LOC128125822: variants seen among roughly 807,000 people sequenced by gnomAD.
At chr6:63,582,281 A>G in the LOC128125822 span, 3 of 152,610 alleles carry the variant, frequency 2.0e-5, no homozygotes, top group African/African-American at 7.2e-5. Flanking sequence ...CACACAGCCC[A>G]TAAAACAGCA....
chr6:63,578,765 C>T, the LOC128125822 span: 1 of 1,135,562 alleles, frequency 8.8e-7, no homozygotes, highest in Non-Finnish European at 1.2e-6. Context: ...TGGTAGACAA[C>T]AGGGTTTAAT....
At chr6:63,578,352 TG>T in the LOC128125822 span, 1 of 1,375,540 alleles carries the variant, frequency 7.3e-7, no homozygotes, top group Non-Finnish European at 9.6e-7. Flanking sequence ...GCATACTTAC[TG>T]ATCAGAGATG....
At chr6:63,572,606 C>A in the LOC128125822 span, 2 of 419,308 alleles carry the variant, frequency 4.8e-6, no homozygotes, top group Non-Finnish European at 8.2e-6. Context: ...ACCGCCGCTC[C>A]GCCACGACCA....
At chr6:63,578,255 T>G in the LOC128125822 span, among the ~76,000 whole-genome samples, 1 of 152,242 alleles carries the variant, frequency 6.6e-6, no homozygotes, top group Admixed American at 6.5e-5. Flanking sequence ...TCTTTTTATA[T>G]TCTAGCATTG....
chr6:63,578,360 GATGATCAGAATATAAA>G, the LOC128125822 span: 1 of 1,450,540 alleles, frequency 6.9e-7, no homozygotes, highest in Non-Finnish European at 9.2e-7. Flanking sequence ...ACTGATCAGA[GATGATCAGAATATAAA>G]ATGTTGAGTT....
the LOC128125822 span, among the ~76,000 whole-genome samples, chr6:63,579,662 AT>A: frequency 2.7e-3 from 418 of 152,352 alleles, no homozygotes; most frequent in African/African-American, 9.3e-3. Flanking sequence ...CCAGTTGACA[AT>A]AACAGCCAAA....
chr6:63,579,024 G>C, the LOC128125822 span: 1 of 1,577,816 alleles, frequency 6.3e-7, no homozygotes, highest in Non-Finnish European at 8.6e-7. Context: ...TGCAGGCCTT[G>C]GGAGGTAAAT....
At chr6:63,573,019 G>C in the LOC128125822 span, among the ~76,000 whole-genome samples, 1 of 152,120 alleles carries the variant, frequency 6.6e-6, no homozygotes, top group Non-Finnish European at 1.5e-5. Context: ...CGGCTTCTGC[G>C]GCGGCCGGGG....
At chr6:63,579,483 C>A in the LOC128125822 span, 1 of 542,864 alleles carries the variant, frequency 1.8e-6, no homozygotes, top group Non-Finnish European at 3.1e-6. Context: ...TTCTTTTTTG[C>A]ATTTCATGCA....
the LOC128125822 span, chr6:63,582,171 T>C: frequency 6.6e-6 from 1 of 152,058 alleles, no homozygotes; most frequent in Non-Finnish European, 1.5e-5. Context: ...AATTTTTGGC[T>C]AATTTTTAAC....
the LOC128125822 span, among the ~76,000 whole-genome samples, chr6:63,574,786 T>C: frequency 6.6e-6 from 1 of 152,332 alleles, no homozygotes; most frequent in Non-Finnish European, 1.5e-5. Context: ...ATACACTTTT[T>C]ATTCTACGGA....
chr6:63,577,023 C>A, the LOC128125822 span: 2 of 1,503,456 alleles, frequency 1.3e-6, no homozygotes, highest in Non-Finnish European at 1.8e-6. Flanking sequence ...AAATTGATTG[C>A]AATATAATAG....
the LOC128125822 span, chr6:63,579,285 A>G: frequency 6.2e-7 from 1 of 1,611,590 alleles, no homozygotes; most frequent in Non-Finnish European, 8.5e-7. Flanking sequence ...CCTAGCATTA[A>G]TTGAAGGTGG....
At chr6:63,578,503 G>T in the LOC128125822 span, 20 of 1,612,188 alleles carry the variant, frequency 1.2e-5, no homozygotes, top group Non-Finnish European at 1.6e-5. Context: ...CACTACTCTT[G>T]TGGAGAAAGA....
At chr6:63,574,475 G>A in the LOC128125822 span, among the ~76,000 whole-genome samples, 2 of 152,244 alleles carry the variant, frequency 1.3e-5, no homozygotes, top group East Asian at 3.9e-4. Flanking sequence ...TGCTTTAACA[G>A]ACGAGTCCCC....
the LOC128125822 span, chr6:63,579,929 C>T: frequency 5.9e-6 from 4 of 680,976 alleles, no homozygotes; most frequent in East Asian, 2.5e-5. Flanking sequence ...TTCCTTTCTG[C>T]ATCAGGTCAC....
At chr6:63,574,128 A>G in the LOC128125822 span, among the ~76,000 whole-genome samples, 1 of 152,212 alleles carries the variant, frequency 6.6e-6, no homozygotes, top group Non-Finnish European at 1.5e-5. Flanking sequence ...GTTGAAAACT[A>G]GAAAACTAAA....
At chr6:63,582,934 A>G in the LOC128125822 span, 1 of 152,220 alleles carries the variant, frequency 6.6e-6, no homozygotes, top group East Asian at 1.9e-4. Context: ...AGAGTGCTTC[A>G]AAATGATGTA....
At chr6:63,578,356 CAGAG>C in the LOC128125822 span, 1 of 1,440,260 alleles carries the variant, frequency 6.9e-7, no homozygotes, top group Non-Finnish European at 9.2e-7. Context: ...ACTTACTGAT[CAGAG>C]ATGATCAGAA....
Sources: allele counts gnomAD v4.1 joint callset (sites outside exome capture counted in the v4.1 genomes callset), GRCh38; gene constraint gnomAD v4.1.1; transcripts MANE v1.5.